Variants in GALNT16 observed in about 807,000 individuals in gnomAD.
GALNT16 encodes the protein UDP-GalNAc:polypeptide N-acetylgalactosaminyltransferase-like protein 1.
GALNT16 carries 40 observed loss-of-function variants against 76.1 expected under a neutral mutation model. The ratio of observed to expected loss-of-function variants is 0.53; its 90% CI spans 0.41 to 0.68. The LOEUF (loss-of-function observed/expected upper bound fraction) is 0.68. Among genes scored for constraint, GALNT16 ranks in the 30% least tolerant of loss-of-function variants. The pLI is 0.00. For missense variants in GALNT16, 621 were observed against 731.9 expected, an observed-to-expected ratio of 0.85 and a Z score of 1.75; for synonymous variants, 276 against 285.2, an observed-to-expected ratio of 0.97 and a Z score of 0.32.
At chr14:69,290,581 C>G (rs2044676405) in intron 1 of GALNT16, among the ~76,000 whole-genome samples, 1 of 152,192 alleles carries the variant, frequency 6.6e-6, no homozygotes, top group Non-Finnish European at 1.5e-5. Flanking sequence ...TAGTAAGGCT[C>G]TCATTGACCC....
chr14:69,373,931 C>T, the GALNT16 span, among the ~76,000 whole-genome samples: 1 of 152,170 alleles, frequency 6.6e-6, no homozygotes, highest in African/African-American at 2.4e-5. Context: ...CAGGTATATG[C>T]CACCACACCC....
Position 69,261,928 on chromosome 14 carries a change from TGTC to T in GALNT16, c.177+1463_177+1465del, listed in dbSNP as rs967312905. The stretch of plus-strand genomic sequence containing the variant: ...CCCAGGACACTGTTTCCAAAGCACT[TGTC>T]GCCCTTTGGACAGAAAACTGATAAG... On this transcript the variant is annotated intron_variant, in intron 1 of 14. Transcript: ENST00000448469. The surrounding 1 kb of genome is among the most constrained non-coding windows in gnomAD (Gnocchi z 6.4). Among the ~76,000 whole-genome samples, 6 of 152,184 alleles carry T rather than the reference TGTC, an allele frequency of 3.9e-5. No individual in the cohort carries two copies. Among genetic ancestry groups the T allele is most frequent in the African/African-American group, 1.4e-4 (6 of 41,436 alleles).
intron 1 of GALNT16, among the ~76,000 whole-genome samples, chr14:69,319,785 G>C (rs887554449): frequency 5.9e-5 from 9 of 152,208 alleles, no homozygotes; most frequent in African/African-American, 2.2e-4. Flanking sequence ...TCTTACAGGG[G>C]CCATTTCAGG....
intron 11 of GALNT16, among the ~76,000 whole-genome samples, chr14:69,340,207 T>C (rs779014282): frequency 3.9e-5 from 6 of 152,200 alleles, no homozygotes; most frequent in Non-Finnish European, 8.8e-5. Flanking sequence ...TGCATGTGTG[T>C]GCATGCATGT....
the GALNT16 span, among the ~76,000 whole-genome samples, chr14:69,382,789 C>CAAAAAAAAAAAAAAAAAAAAAAAAA: frequency 1.9e-5 from 2 of 103,134 alleles, no homozygotes; most frequent in African/African-American, 7.4e-5. Context: ...ACTCTATCTC[C>CAAAAAAAAAAAAAAAAAAAAAAAAA]AAAAGAAAAA....
rs2045278086 is a variant in GALNT16, at chr14:69,325,974, T to C, written c.515T>C (p.Leu172Pro). 4 of 1,613,882 alleles carry C rather than the reference T, an allele frequency of 2.5e-6. No individual in the cohort carries two copies. The highest frequency in any genetic ancestry group is 3.4e-6 in the Non-Finnish European group (4 of 1,179,864). Residue 172 changes from leucine (L) to proline (P), a missense_variant, in exon 5 of 15, where the codon CTA becomes CCA. Leu to Pro is a moderately conservative substitution (Grantham distance 98). Transcript: ENST00000448469. ...DDFSSDPEDC[L>P]LLTRIPKVKC... is the part of the protein sequence containing the mutation. ...TTTGCATCCTCAGCGGAAGACTGTC[T>C]ACTCCTGACCAGGATCCCCAAGGTC...
chr14:69,341,918 A>C (rs372840770), intron 12 of GALNT16, among the ~76,000 whole-genome samples, 154 bp downstream of exon 12: 1 of 152,142 alleles, frequency 6.6e-6, no homozygotes, highest in Admixed American at 6.5e-5. Flanking sequence ...CTGTGGGGGA[A>C]CTGAGAGGGC....
chr14:69,303,784 C>G (rs768163267), intron 1 of GALNT16, among the ~76,000 whole-genome samples: 16 of 152,076 alleles, frequency 1.1e-4, no homozygotes, highest in Admixed American at 3.3e-4. Flanking sequence ...ATTGTGCAAG[C>G]ATTTTTCTGT....
chr14:69,332,974 G>A (rs1480268471), intron 7 of GALNT16, 111 bp from the exon 8 acceptor site: 14 of 786,896 alleles, frequency 1.8e-5, no homozygotes, highest in South Asian at 4.2e-5. Context: ...GGGACTGCAC[G>A]AAGAGCCCAG....
downstream of GALNT16, chr14:69,359,172 T>G (rs1399729551): frequency 6.6e-6 from 1 of 152,222 alleles, no homozygotes; most frequent in Non-Finnish European, 1.5e-5. Context: ...TTTTTTCTGT[T>G]AGATTGTAGC....
chr14:69,374,923 ATAAC>A, the GALNT16 span, among the ~76,000 whole-genome samples: 5 of 150,928 alleles, frequency 3.3e-5, no homozygotes, highest in Non-Finnish European at 7.3e-5. Context: ...ACCACTCATG[ATAAC>A]TAACTCACTC....
chr14:69,383,914 G>A, the GALNT16 span, among the ~76,000 whole-genome samples: 1 of 152,176 alleles, frequency 6.6e-6, no homozygotes, highest in African/African-American at 2.4e-5. Context: ...TGGGGAGGCT[G>A]AGGAAGGAGG....
chr14:69,280,274 T>C (rs1043561480), intron 1 of GALNT16, among the ~76,000 whole-genome samples: 1 of 152,202 alleles, frequency 6.6e-6, no homozygotes, highest in African/African-American at 2.4e-5. Flanking sequence ...AGGTACCTCA[T>C]ATAAGTGGAA....
intron 2 of GALNT16, among the ~76,000 whole-genome samples, chr14:69,321,289 C>T (rs1201757662): frequency 1.3e-5 from 2 of 152,232 alleles, no homozygotes; most frequent in African/African-American, 4.8e-5. Context: ...CACAGCTCCA[C>T]CTCCTCAGCA....
chr14:69,373,127 GAC>G, the GALNT16 span, among the ~76,000 whole-genome samples: 13 of 152,212 alleles, frequency 8.5e-5, no homozygotes, highest in African/African-American at 2.9e-4. Context: ...CCATGGAACA[GAC>G]ACTAAAAGAC....
chr14:69,321,151 G>A (rs1364494933), intron 2 of GALNT16, among the ~76,000 whole-genome samples: 4 of 152,202 alleles, frequency 2.6e-5, no homozygotes, highest in Admixed American at 1.3e-4. Flanking sequence ...AAGGAGGTCC[G>A]TGGCAGTGGG....
At chr14:69,368,844 G>A in the GALNT16 span, among the ~76,000 whole-genome samples, 6 of 152,146 alleles carry the variant, frequency 3.9e-5, no homozygotes, top group Admixed American at 2.6e-4. Flanking sequence ...GAAGACAATG[G>A]GCATCCCTGT....
At chr14:69,270,955 T>A (rs1238381014) in intron 1 of GALNT16, among the ~76,000 whole-genome samples, 1 of 151,754 alleles carries the variant, frequency 6.6e-6, no homozygotes. Context: ...AGAGGCCGGA[T>A]GAAGGAGAAC....
chr14:69,362,391 C>G, the GALNT16 span, among the ~76,000 whole-genome samples: 1 of 152,324 alleles, frequency 6.6e-6, no homozygotes, highest in Admixed American at 6.5e-5. Context: ...TTTGTGGAGC[C>G]CCACAGCTTC....
Sources: gnomAD v4.1 joint callset for allele counts (sites outside exome capture counted in the v4.1 genomes callset) on GRCh38, gnomAD v4.1.1 for gene constraint, Gnocchi (gnomAD v3.1) non-coding constraint, MANE v1.5 for transcripts, NCBI Gene and HGNC (gene_info 2026-07-23, HGNC 2026-07-21) for gene names.